The following TMEM232 variants were observed in gnomAD, a reference collection of about 807,000 sequenced individuals.
TMEM232 encodes the protein transmembrane protein 232.
Under a neutral mutation model 78.8 loss-of-function variants are expected in TMEM232, and 80 were observed. The ratio of observed to expected loss-of-function variants is 1.01; its 90% CI spans 0.85 to 1.22. The LOEUF (loss-of-function observed/expected upper bound fraction) is 1.22. Ranked by LOEUF, TMEM232 falls within the 50% of genes most tolerant of loss-of-function variation. The pLI, the probability that TMEM232 is intolerant of heterozygous loss-of-function variation, is 0.00. For synonymous variants in TMEM232, 297 were observed against 254.3 expected, an observed-to-expected ratio of 1.17 and a Z score of -1.60; for missense variants, 881 against 742.2, an observed-to-expected ratio of 1.19 and a Z score of -2.17.
At chr5:110,683,553 A>G (rs1379374185) in intron 1 of TMEM232, among the ~76,000 whole-genome samples, 1 of 151,936 alleles carries the variant, frequency 6.6e-6, no homozygotes, top group African/African-American at 2.4e-5. Flanking sequence ...TGTTAATAAA[A>G]TCATTTTAAT....
intron 11 of TMEM232, among the ~76,000 whole-genome samples, chr5:110,531,948 AAT>A (rs1159797041): frequency 6.6e-6 from 1 of 152,186 alleles, no homozygotes; most frequent in African/African-American, 2.4e-5. Context: ...AACAGGACTT[AAT>A]TAACCTTGCC....
chr5:110,558,412 G>C (rs1775361865), intron 11 of TMEM232, among the ~76,000 whole-genome samples: 1 of 152,098 alleles, frequency 6.6e-6, no homozygotes, highest in East Asian at 1.9e-4. Context: ...GTAGGGGAAG[G>C]CTATAAGTGG....
Position 110,509,012 on chromosome 5 carries a change from A to ATG in TMEM232, c.1703+19575_1703+19576insCA, listed in dbSNP as rs1561591508. Among the ~76,000 whole-genome samples, 246 of 143,648 alleles carry ATG rather than the reference A, an allele frequency of 1.7e-3. 1 individual carries two copies. The highest frequency in any genetic ancestry group is 6.3e-3 in the African/African-American group (241 of 38,080). 94.2% of individuals were successfully genotyped at this position (143,648 alleles called of 152,430 possible). On this transcript the variant is annotated intron_variant, in intron 12 of 13. Transcript: ENST00000455884. The stretch of plus-strand genomic sequence containing the variant: ...TGTGTATATATGTATATATATATGT[A>ATG]TATATATACAATTATATATACACAC...
In TMEM232 at chr5:110,533,994, G is replaced by A. The variant is rs189839034; in HGVS notation, c.1456-5159C>T. ...ATTCTACTACTTCTCAAGGATTATT[G>A]AGGCCCTCTCCCTTCCCTACACATC... On this transcript the variant is annotated intron_variant, in intron 11 of 13. Coordinates refer to ENST00000455884, the MANE Select transcript of TMEM232 (RefSeq NM_001039763.4). Among the ~76,000 whole-genome samples the A allele has an allele frequency of 4.0e-4, 61 of 152,016 alleles. No individual in the cohort carries two copies. In the East Asian group the frequency reaches 7.2e-3, roughly 18 times the overall value.
chr5:110,636,938 T>C (rs1785922940), intron 5 of TMEM232, among the ~76,000 whole-genome samples: 1 of 151,922 alleles, frequency 6.6e-6, no homozygotes, highest in African/African-American at 2.4e-5. Context: ...TAAAACTATA[T>C]TTTGTAGCTA....
chr5:110,391,326 T>TGTGAGAGAGAGAGAGAGA (rs549361387), intron 3 of TMEM232, among the ~76,000 whole-genome samples: 1 of 139,812 alleles, frequency 7.2e-6, no homozygotes, highest in East Asian at 2.2e-4. Flanking sequence ...TGTGTGTGTG[T>TGTGAGAGAGAGAGAGAGA]GAGAGAGAGA....
At chr5:110,615,290 G>C (rs1782788229) in intron 8 of TMEM232, among the ~76,000 whole-genome samples, 1 of 151,952 alleles carries the variant, frequency 6.6e-6, no homozygotes, top group Non-Finnish European at 1.5e-5. Flanking sequence ...AAGGCCTTTG[G>C]TGTAGAATGG....
chr5:110,671,585 A>G (rs1791353517), intron 1 of TMEM232, among the ~76,000 whole-genome samples: 1 of 152,198 alleles, frequency 6.6e-6, no homozygotes, highest in Non-Finnish European at 1.5e-5. Flanking sequence ...GGATGAGTTC[A>G]TGTCCTTTGC....
At chr5:110,531,686 A>G (rs952117145) in intron 11 of TMEM232, among the ~76,000 whole-genome samples, 1 of 152,174 alleles carries the variant, frequency 6.6e-6, no homozygotes, top group South Asian at 2.1e-4. Flanking sequence ...AGGTGGCTGG[A>G]GCCAAAGGCA....
chr5:110,442,931 A>G (rs1242422672), intron 12 of TMEM232, among the ~76,000 whole-genome samples: 1 of 152,160 alleles, frequency 6.6e-6, no homozygotes. Flanking sequence ...TCTTCCCAAC[A>G]AATGGAGGCT....
At chr5:110,485,509 T>A (rs897130445) in intron 12 of TMEM232, among the ~76,000 whole-genome samples, 1 of 152,110 alleles carries the variant, frequency 6.6e-6, no homozygotes, top group Non-Finnish European at 1.5e-5. Flanking sequence ...ATTCTTATGC[T>A]TTTGCATCCT....
At chr5:110,444,436 G>C (rs1008134328) in intron 12 of TMEM232, among the ~76,000 whole-genome samples, 2 of 152,090 alleles carry the variant, frequency 1.3e-5, no homozygotes, top group East Asian at 1.9e-4. Context: ...AGCCACAGCT[G>C]GGGGGTTGGG....
At chr5:110,590,903 C>T (rs183236361) in intron 10 of TMEM232, among the ~76,000 whole-genome samples, 31 of 152,020 alleles carry the variant, frequency 2.0e-4, no homozygotes, top group Non-Finnish European at 3.7e-4. Context: ...CATCAGATCT[C>T]GTGAGAACTC....
chr5:110,436,728 C>T (rs748631864), intron 12 of TMEM232, among the ~76,000 whole-genome samples: 8 of 151,874 alleles, frequency 5.3e-5, no homozygotes, highest in Admixed American at 2.6e-4. Flanking sequence ...TTTCCCCCAA[C>T]GTATTCCTGG....
chr5:110,534,095 T>C (rs1771957182), intron 11 of TMEM232, among the ~76,000 whole-genome samples: 2 of 152,148 alleles, frequency 1.3e-5, no homozygotes, highest in African/African-American at 4.8e-5. Flanking sequence ...GAAACTAAAA[T>C]ACCTCTTAGT....
At chr5:110,480,170 A>G (rs1763705949) in intron 12 of TMEM232, among the ~76,000 whole-genome samples, 1 of 152,000 alleles carries the variant, frequency 6.6e-6, no homozygotes, top group South Asian at 2.1e-4. Context: ...ATAGCAGTCT[A>G]CTTCAGTGTT....
chr5:110,512,833 A>C (rs979971378), intron 12 of TMEM232, among the ~76,000 whole-genome samples: 2 of 152,168 alleles, frequency 1.3e-5, no homozygotes, highest in African/African-American at 4.8e-5. Flanking sequence ...AAGTGCTGTC[A>C]TTTTAATTCT....
At chr5:110,623,343 A>G (rs1784018352) in intron 7 of TMEM232, among the ~76,000 whole-genome samples, 1 of 152,214 alleles carries the variant, frequency 6.6e-6, no homozygotes, top group African/African-American at 2.4e-5. Flanking sequence ...CAATGCATAT[A>G]GGAACACTAA....
intron 12 of TMEM232, among the ~76,000 whole-genome samples, chr5:110,463,967 A>G (rs530520374): frequency 6.6e-6 from 1 of 152,302 alleles, no homozygotes; most frequent in East Asian, 1.9e-4. Flanking sequence ...TGAAATACTC[A>G]TCTTCCAGGT....
Sources: allele counts gnomAD v4.1 joint callset (sites outside exome capture counted in the v4.1 genomes callset), GRCh38; gene constraint gnomAD v4.1.1; transcripts MANE v1.5; gene names NCBI Gene and HGNC (gene_info 2026-07-23, HGNC 2026-07-21).